C2CD2: variants seen among roughly 807,000 people sequenced by gnomAD.
C2CD2 encodes the protein C2 domain-containing protein 2.
C2CD2 carries 43 observed loss-of-function variants against 74.3 expected under a neutral mutation model. The ratio of observed to expected loss-of-function variants is 0.58; its 90% confidence interval spans 0.45 to 0.75. The LOEUF (loss-of-function observed/expected upper bound fraction) is 0.75. Ranked by LOEUF, C2CD2 falls within the 30% of genes least tolerant of loss-of-function variation. C2CD2 has a pLI of 0.00. For missense variants in C2CD2, 801 were observed against 916.3 expected, an observed-to-expected ratio of 0.87 and a Z score of 1.63; for synonymous variants, 422 against 390.7, an observed-to-expected ratio of 1.08 and a Z score of -0.94.
chr21:41,904,790 AG>A (rs2064940740), intron 11 of C2CD2, among the ~76,000 whole-genome samples: 1 of 152,212 alleles, frequency 6.6e-6, no homozygotes, highest in African/African-American at 2.4e-5. Flanking sequence ...GGTCAGACAC[AG>A]GACTCAGCGA....
chr21:41,901,575 A>T, intron 12 of C2CD2, 47 bp downstream of exon 12: 1 of 1,605,792 alleles, frequency 6.2e-7, no homozygotes, highest in Non-Finnish European at 8.5e-7. Flanking sequence ...GCAGCAGGTC[A>T]CTGACAGATG....
intron 2 of C2CD2, among the ~76,000 whole-genome samples, chr21:41,940,132 A>T (rs1368521773): frequency 6.6e-6 from 1 of 152,178 alleles, no homozygotes; most frequent in Non-Finnish European, 1.5e-5. Flanking sequence ...AAGATCTGAT[A>T]CCCGAAACAC....
intron 2 of C2CD2, among the ~76,000 whole-genome samples, chr21:41,938,809 T>G (rs186840010): frequency 1.3e-5 from 2 of 151,298 alleles, no homozygotes; most frequent in East Asian, 3.9e-4. Flanking sequence ...TGGCGTGATC[T>G]CGGCTCACTG....
At position 41,932,273 on chromosome 21, in the gene C2CD2, GCCCT is replaced by G. The variant is rs2065269393; in HGVS notation, c.378+9870_378+9873del. Among the ~76,000 whole-genome samples, 2 of 149,942 alleles carry G rather than the reference GCCCT, an allele frequency of 1.3e-5. 1 individual carries two copies. The highest frequency in any genetic ancestry group is 3.0e-5 in the Non-Finnish European group (2 of 66,922). ...AGGGCATGAAGCTGCTGGAGTCCCTGCCCTCCCCCTCCGCCCGCCTAAGCATCCC... is the reference window on the plus strand; with the variant it reads ...AGGGCATGAAGCTGCTGGAGTCCCTGCCCCCTCCGCCCGCCTAAGCATCCC... On this transcript the variant is annotated intron_variant, in intron 2 of 13. Coordinates refer to ENST00000380486, the MANE Select transcript of C2CD2 (RefSeq NM_015500.2).
In C2CD2 at chr21:41,885,669, ACT is replaced by A. The variant is rs10580258; in HGVS notation, c.*3453_*3454del. 6,364 of 152,548 alleles carry A rather than the reference ACT, an allele frequency of 0.042. 228 individuals carry two copies. The highest frequency in any genetic ancestry group is 0.11 in the Middle Eastern group (31 of 294). The allele number at this position is 152,548 out of a possible 1,614,324, so 9.4% of individuals were successfully genotyped here. A position where few individuals can be genotyped will look rare whatever the true frequency, so the allele number is the denominator to read the frequency against. Reference sequence around the variant, plus strand: ...TGCCTTCCACCATCCACCAATTTGTACTCTGAAGTTTCCAGATCAAGAGCCGT... The same window carrying A: ...TGCCTTCCACCATCCACCAATTTGTACTGAAGTTTCCAGATCAAGAGCCGT... On this transcript the variant is annotated 3_prime_UTR_variant, in exon 14 of 14. Coordinates refer to ENST00000380486, the MANE Select transcript of C2CD2 (RefSeq NM_015500.2).
At chr21:41,933,950 C>T (rs1043239754) in intron 2 of C2CD2, among the ~76,000 whole-genome samples, 7 of 151,988 alleles carry the variant, frequency 4.6e-5, no homozygotes, top group Non-Finnish European at 1.0e-4. Context: ...AACAAGAGTC[C>T]GTGTGTGTGT....
At chr21:41,913,001 C>T (rs1399882310) in intron 6 of C2CD2, among the ~76,000 whole-genome samples, 3 of 152,216 alleles carry the variant, frequency 2.0e-5, no homozygotes, top group South Asian at 2.1e-4. Context: ...CCAAGTACCT[C>T]GCCCCCTCCG....
chr21:41,938,293 A>G (rs1444087614), intron 2 of C2CD2, among the ~76,000 whole-genome samples: 3 of 152,210 alleles, frequency 2.0e-5, no homozygotes, highest in Non-Finnish European at 4.4e-5. Flanking sequence ...GACAAATCAT[A>G]GCTCAGGTAA....
chr21:41,894,467 G>A, intron 13 of C2CD2: 1 of 366,302 alleles, frequency 2.7e-6, no homozygotes, highest in Non-Finnish European at 5.4e-6. Flanking sequence ...ATGTTCCCAG[G>A]CCCTGCTCTT....
At chr21:41,928,871 G>T (rs1444604062) in intron 2 of C2CD2, among the ~76,000 whole-genome samples, 1 of 152,180 alleles carries the variant, frequency 6.6e-6, no homozygotes, top group African/African-American at 2.4e-5. Context: ...TGGTTTTACA[G>T]ATGCAAAGCG....
intron 2 of C2CD2, among the ~76,000 whole-genome samples, chr21:41,938,680 T>G (rs2065329324): frequency 6.6e-6 from 1 of 152,100 alleles, no homozygotes; most frequent in African/African-American, 2.4e-5. Context: ...CTTATTTCAC[T>G]GAACATAATG....
intron 5 of C2CD2, 97 bp from the exon 6 acceptor site, chr21:41,914,818 T>C: frequency 4.6e-6 from 5 of 1,078,208 alleles, no homozygotes; most frequent in Non-Finnish European, 6.7e-6. Flanking sequence ...GTGGTGGCAG[T>C]GGGGTGTCTA....
At chr21:41,894,476 T>C (rs1355580453) in intron 13 of C2CD2, 1 of 368,894 alleles carries the variant, frequency 2.7e-6, no homozygotes, top group Non-Finnish European at 5.3e-6. Flanking sequence ...GGCCCTGCTC[T>C]TCCATGCTGC....
At chr21:41,921,731 A>G (rs2065155731) in intron 3 of C2CD2, among the ~76,000 whole-genome samples, 1 of 151,228 alleles carries the variant, frequency 6.6e-6, no homozygotes, top group Non-Finnish European at 1.5e-5. Context: ...GAAAGAGGCA[A>G]CCCCTGAGTT....
chr21:41,953,779 G>A lies in C2CD2; in HGVS notation c.-131C>T. On this transcript the variant is annotated 5_prime_UTR_variant, in exon 1 of 14. Transcript: ENST00000380486. ...AGGGGGCGCGGCGGGGTCGGAGCCC[G>A]GCGAGGAGCGTGGCCGGGGGCCTCT... 1 of 858,316 alleles carries A rather than the reference G, an allele frequency of 1.2e-6. No individual in the cohort carries two copies. The highest frequency in any genetic ancestry group is 1.5e-6 in the Non-Finnish European group (1 of 656,210). 53.2% of individuals were successfully genotyped at this position (858,316 alleles called of 1,614,324 possible).
chr21:41,924,299 C>T lies in C2CD2; in HGVS notation c.379-2214G>A, dbSNP rs2065185745. Among the ~76,000 whole-genome samples, 2 of 152,202 alleles carry T rather than the reference C, an allele frequency of 1.3e-5. No individual in the cohort carries two copies. The highest frequency in any genetic ancestry group is 4.1e-4 in the South Asian group (2 of 4,822). The stretch of plus-strand genomic sequence containing the variant: ...ATCCCACTCTGGAACAAAAACGGAA[C>T]CTGGGCACTAAGGCCCGGGCAGGGG... On this transcript the variant is annotated intron_variant, in intron 2 of 13. Coordinates refer to ENST00000380486, the MANE Select transcript of C2CD2 (RefSeq NM_015500.2). This position sits in a 1 kb window ranked among gnomAD's most constrained non-coding sequence, Gnocchi z 4.4.
At chr21:41,953,080 G>C (rs1320412679) in intron 1 of C2CD2, 4 of 355,352 alleles carry the variant, frequency 1.1e-5, no homozygotes, top group African/African-American at 8.4e-5. Context: ...GTACTGGCTG[G>C]CGCGGATGAG....
At chr21:41,917,073 A>G (rs1481493795) in intron 5 of C2CD2, among the ~76,000 whole-genome samples, 2 of 152,140 alleles carry the variant, frequency 1.3e-5, no homozygotes, top group Non-Finnish European at 2.9e-5. Context: ...CCCCCCAGAC[A>G]TCCACACCCC....
At chr21:41,889,370 G>A (rs945226985) in intron 13 of C2CD2, 26 bp from the exon 14 acceptor site, 7 of 1,520,778 alleles carry the variant, frequency 4.6e-6, no homozygotes, top group Non-Finnish European at 5.5e-6. Flanking sequence ...ACAAGGGCTG[G>A]TCAAGTGGGC....
Sources: allele counts gnomAD v4.1 joint callset (sites outside exome capture counted in the v4.1 genomes callset), GRCh38; gene constraint gnomAD v4.1.1; non-coding constraint Gnocchi (gnomAD v3.1); transcripts MANE v1.5; gene names NCBI Gene and HGNC (gene_info 2026-07-23, HGNC 2026-07-21).